Variants in COL3A1 observed in about 807,000 individuals in gnomAD.
The protein encoded by COL3A1 is collagen alpha-1(III) chain.
COL3A1 carries 46 observed loss-of-function variants against 200.9 expected under a neutral mutation model. The ratio of observed to expected loss-of-function variants is 0.23; its 90% CI spans 0.18 to 0.29. The LOEUF (loss-of-function observed/expected upper bound fraction) is 0.29, where lower values mean the gene tolerates loss of function less well. Among genes scored for constraint, COL3A1 ranks in the 10% least tolerant of loss-of-function variants. The pLI, the probability that COL3A1 is intolerant of heterozygous loss-of-function variation, is 1.00. For synonymous variants in COL3A1, 650 were observed against 628.0 expected (o/e 1.03, Z -0.52); for missense variants, 1,367 against 1,917.6 (o/e 0.71, Z 5.36).
Position 188,996,270 on chromosome 2 carries a change from G to GTATA in COL3A1, c.1662+102_1662+105dup, listed in dbSNP as rs770678143. On this transcript the variant is annotated intron_variant, in intron 23 of 50. Coordinates refer to ENST00000304636, the MANE Select transcript of COL3A1 (RefSeq NM_000090.4). ...CTTGAGTGTGTGTGTGTGTGTGTGT[G>GTATA]TATATATATATATGTATATGTATAT... 12 of 686,046 alleles carry GTATA rather than the reference G, an allele frequency of 1.7e-5. No homozygotes were observed. The African/African-American group carries it at 1.8e-4, about 10-fold the overall frequency. 42.5% of individuals were successfully genotyped at this position (686,046 alleles called of 1,614,324 possible). A position where few individuals can be genotyped will look rare whatever the true frequency, so the allele number is the denominator to read the frequency against.
At chr2:188,992,837 C>T in intron 14 of COL3A1, 50 bp from the exon 15 acceptor site, 1 of 1,480,748 alleles carries the variant, frequency 6.8e-7, no homozygotes, top group Non-Finnish European at 9.4e-7. Context: ...AGTATGTCAG[C>T]TTTCATTTAG....
At chr2:188,982,129 G>A (rs1687965483) in intron 1 of COL3A1, among the ~76,000 whole-genome samples, 1 of 151,358 alleles carries the variant, frequency 6.6e-6, no homozygotes, top group South Asian at 2.1e-4. Flanking sequence ...GTCATGTGCA[G>A]GTGAGAAGAG....
rs763415324 is a variant in COL3A1, at chr2:189,007,488, A to G, written c.3256-12A>G. The G allele has an allele frequency of 1.8e-5, 29 of 1,605,568 alleles. No homozygotes were observed. The South Asian group carries it at 2.7e-4, about 15-fold the overall frequency. ...TGTGTATATGACTTCAATTCAAAAT[A>G]TGTTTCTAAAGGGTCCTCAAGGCCC... On this transcript the variant is annotated splice_polypyrimidine_tract_variant and intron_variant, in intron 44 of 50. Coordinates refer to ENST00000304636, the MANE Select transcript of COL3A1 (RefSeq NM_000090.4).
chr2:189,011,039 A>C, intron 50 of COL3A1, 149 bp downstream of exon 50: 1 of 1,032,296 alleles, frequency 9.7e-7, no homozygotes, highest in Non-Finnish European at 1.4e-6. Context: ...CTACTGATTC[A>C]TTGCAGGGAA....
chr2:188,983,769 A>T (rs991066533), intron 1 of COL3A1, among the ~76,000 whole-genome samples: 11 of 152,136 alleles, frequency 7.2e-5, no homozygotes, highest in Middle Eastern at 3.4e-3. Context: ...GTTGTTTGCA[A>T]AAATTTTTGC....
rs1395130826 is a variant in COL3A1 at position 189,007,603 on chromosome 2, C to T, written c.3359C>T (p.Ser1120Phe). 1 of 1,610,712 alleles carries T rather than the reference C, an allele frequency of 6.2e-7. No individual in the cohort carries two copies. Reference sequence around the variant, plus strand: ...CCTGGTAATCCAGGTGCCCCAGGTTCTCCAGTAAGTGCATTCATTTTGTTG... The same window carrying T: ...CCTGGTAATCCAGGTGCCCCAGGTTTTCCAGTAAGTGCATTCATTTTGTTG... Reference protein sequence around the residue: ...GFPGNPGAPGSPGPAGQQGAI... With the variant: ...GFPGNPGAPGFPGPAGQQGAI... Residue 1120 changes from serine to phenylalanine, a missense_variant, in exon 45 of 51, where the codon TCT becomes TTT. By Grantham distance (155) the Ser-to-Phe change is radical. Transcript: ENST00000304636.
chr2:188,990,780 C>A (rs1024067743), intron 10 of COL3A1, among the ~76,000 whole-genome samples: 2 of 152,116 alleles, frequency 1.3e-5, no homozygotes, highest in Non-Finnish European at 2.9e-5. Context: ...ATAGTTAAGG[C>A]AACTTTCTTA....
Position 189,001,392 on chromosome 2 carries a change from T to C in COL3A1, c.2284-5T>C. ...AAAATTAAAAAATATTTTTATTTCCTCTAGGGTCCTACTGGTCCTATTGGT... is the reference window on the plus strand; with the variant it reads ...AAAATTAAAAAATATTTTTATTTCCCCTAGGGTCCTACTGGTCCTATTGGT... On this transcript the variant is annotated splice_region_variant and splice_polypyrimidine_tract_variant and intron_variant, in intron 32 of 50. Coordinates refer to ENST00000304636, the MANE Select transcript of COL3A1 (RefSeq NM_000090.4). 6.2e-7 allele frequency: 1 copy of C among 1,613,184 alleles called. No individual in the cohort carries two copies. The highest frequency in any genetic ancestry group is 8.5e-7 in the Non-Finnish European group (1 of 1,179,116).
In COL3A1 at chr2:188,992,160, T is replaced by C. The variant is rs758158941; in HGVS notation, c.952-24T>C. On this transcript the variant is annotated intron_variant, in intron 13 of 50. Coordinates refer to ENST00000304636, the MANE Select transcript of COL3A1 (RefSeq NM_000090.4). ...CCAGCCATTCAGAATTAAAAGGATA[T>C]TTGATGTAAACTTCTCTTTTTAGGG... 5.0e-6 allele frequency: 8 copies of C among 1,613,230 alleles called. No individual in the cohort carries two copies. In the Admixed American group the frequency reaches 1.0e-4, roughly 20 times the overall value.
chr2:189,005,450 GA>G lies in COL3A1; in HGVS notation c.3034del (p.Arg1012GlufsTer224). On this transcript the variant is annotated frameshift_variant, in exon 41 of 51. Transcript: ENST00000304636. LOFTEE classifies it high-confidence loss of function. ...PGLAGTAGEP[G>X]RDGNPGSDGL... Reference sequence around the variant, plus strand: ...CTGGCTGGTACAGCTGGTGAACCTGGAAGAGATGTGAGTAGCAGTTTTTATT... The same window carrying G: ...CTGGCTGGTACAGCTGGTGAACCTGGAGAGATGTGAGTAGCAGTTTTTATT... 6.2e-7 allele frequency: 1 copy of G among 1,613,662 alleles called. No individual in the cohort carries two copies. Among genetic ancestry groups the G allele is most frequent in the Non-Finnish European group, 8.5e-7 (1 of 1,179,586 alleles).
chr2:188,990,304 T>C lies in COL3A1; in HGVS notation c.745-3T>C, dbSNP rs761475013. 1.9e-6 allele frequency: 3 copies of C among 1,612,284 alleles called. No individual in the cohort carries two copies. The Admixed American group carries it at 5.0e-5, about 27-fold the overall frequency. On this transcript the variant is annotated splice_region_variant and splice_polypyrimidine_tract_variant and intron_variant, in intron 9 of 50. Coordinates refer to ENST00000304636, the MANE Select transcript of COL3A1 (RefSeq NM_000090.4). ...TTAATATTTTTTCATTCATTATTTTTAGGGTATCAAAGGTCCAGCTGGGAT... is the reference window on the plus strand; with the variant it reads ...TTAATATTTTTTCATTCATTATTTTCAGGGTATCAAAGGTCCAGCTGGGAT...
chr2:188,996,298 A>G (rs1269509563), intron 23 of COL3A1, 100 bp from the exon 24 acceptor site: 2 of 717,158 alleles, frequency 2.8e-6, no homozygotes, highest in Non-Finnish European at 4.4e-6. Context: ...ATGTATATCT[A>G]TATATATACA....
chr2:188,994,811 C>G lies in COL3A1; in HGVS notation c.1435C>G (p.Pro479Ala). The change falls in exon 20 of 51, where the codon CCA (proline) becomes GCA (alanine). Residue 479 changes from proline (P) to alanine (A), a missense_variant. Transcript: ENST00000304636. This position sits in a 1 kb window ranked among gnomAD's most constrained non-coding sequence, Gnocchi z 4.5. ...SPGEPGANGLPGAAGERGAPG... is the reference protein window; with the variant it reads ...SPGEPGANGLAGAAGERGAPG... ...TGGAGAACCTGGTGCAAATGGGCTT[C>G]CAGGAGCTGCAGGAGAAAGGGTACG... The G allele has an allele frequency of 3.1e-6, 5 of 1,613,300 alleles. No individual in the cohort carries two copies. Among genetic ancestry groups the G allele is most frequent in the Non-Finnish European group, 4.2e-6 (5 of 1,179,914 alleles).
rs141128796 is a variant in COL3A1 at position 188,997,380 on chromosome 2, A to G, written c.1860A>G (p.Pro620=). 2 of 1,613,810 alleles carry G rather than the reference A, an allele frequency of 1.2e-6. No individual in the cohort carries two copies. The highest frequency in any genetic ancestry group is 2.2e-5 in the South Asian group (2 of 91,064). ...KNGETGPQGP[P]GPTGPGGDKG... is the part of the protein sequence containing the mutation. ...GTGAAACTGGACCTCAGGGACCCCC[A>G]GGGCCTACTGTAAGTTCACTCATAT... Residue 620 remains proline, a synonymous_variant, in exon 26 of 51, where the codon CCA becomes CCG. Coordinates refer to ENST00000304636, the MANE Select transcript of COL3A1 (RefSeq NM_000090.4).
At chr2:189,002,393 A>G (rs1276107256) in intron 35 of COL3A1, 42 bp downstream of exon 35, 3 of 1,572,986 alleles carry the variant, frequency 1.9e-6, no homozygotes, top group Non-Finnish European at 2.6e-6. Flanking sequence ...ATAGCCCAGG[A>G]TCTCTATCTT....
chr2:188,998,812 C>A lies in COL3A1; in HGVS notation c.2022+94C>A, dbSNP rs41263767. The A allele has an allele frequency of 3.5e-4, 383 of 1,095,898 alleles. 2 individuals are homozygous for A. Among genetic ancestry groups the A allele is most frequent in the South Asian group, 6.2e-4 (47 of 75,772 alleles). 67.9% of individuals were successfully genotyped at this position (1,095,898 alleles called of 1,614,324 possible). On this transcript the variant is annotated intron_variant, in intron 29 of 50. Transcript: ENST00000304636. ...AGTATATCAAGCCAAAATACTCTTT[C>A]TTTAAAAGAGCATCATTGCAAATGT... is the stretch of plus-strand genomic sequence containing the variant.
intron 1 of COL3A1, among the ~76,000 whole-genome samples, chr2:188,979,522 A>G (rs1228768782): frequency 4.0e-5 from 6 of 151,800 alleles, no homozygotes; most frequent in African/African-American, 1.2e-4. Flanking sequence ...TGAGTCACAC[A>G]TTTATTCTGT....
intron 32 of COL3A1, among the ~76,000 whole-genome samples, chr2:189,000,826 A>G (rs1199463386): frequency 2.0e-5 from 3 of 152,184 alleles, no homozygotes; most frequent in Admixed American, 6.5e-5. Flanking sequence ...AACAAAAAAC[A>G]TCTCCTAAAT....
rs886038977 is a variant in COL3A1 at position 188,988,106 on chromosome 2, C to G, written c.554C>G (p.Pro185Arg). 3 of 1,613,010 alleles carry G rather than the reference C, an allele frequency of 1.9e-6. No individual in the cohort carries two copies. Among genetic ancestry groups the G allele is most frequent in the Non-Finnish European group, 2.5e-6 (3 of 1,179,190 alleles). ...PAGPPGPPGPPGTSGHPGSPG... is the reference protein window; with the variant it reads ...PAGPPGPPGPRGTSGHPGSPG... ...GGCCCCCCAGGCCCTCCCGGTCCCC[C>G]TGGTACATCTGGTCATCCTGGTTCC... The change falls in exon 6 of 51, where the codon CCT becomes CGT. Residue 185 changes from proline (P) to arginine (R), a missense_variant. Around this residue, in one of 5 missense-constraint regions of COL3A1, gnomAD observed 462 missense variants for 681.4 expected, o/e 0.68. Transcript: ENST00000304636.
Sources: gnomAD v4.1 joint callset for allele counts (sites outside exome capture counted in the v4.1 genomes callset) on GRCh38, gnomAD v4.1.1 for gene constraint, gnomAD v4.1.1 regional missense constraint, Gnocchi (gnomAD v3.1) non-coding constraint, MANE v1.5 for transcripts, NCBI Gene and HGNC (gene_info 2026-07-23, HGNC 2026-07-21) for gene names.